GABRA2: variants seen among roughly 807,000 people sequenced by gnomAD.
The protein encoded by GABRA2 is gamma-aminobutyric acid type A receptor subunit alpha2, also known as gamma-aminobutyric acid receptor subunit alpha-2.
In GABRA2, 16 loss-of-function variants were observed where a neutral mutation model predicts 48.7. The observed-to-expected ratio is 0.33, with a 90% confidence interval of 0.22 to 0.50. The LOEUF (loss-of-function observed/expected upper bound fraction) is 0.50. Ranked by LOEUF, GABRA2 falls within the 20% of genes least tolerant of loss-of-function variation. The pLI is 0.98. For missense variants in GABRA2, 275 were observed against 535.6 expected (o/e 0.51, Z 4.80); for synonymous variants, 185 against 184.5 (o/e 1.00, Z -0.02).
intron 4 of GABRA2, among the ~76,000 whole-genome samples, chr4:46,328,300 A>G (rs959891540): frequency 4.7e-5 from 7 of 149,388 alleles, no homozygotes; most frequent in African/African-American, 1.5e-4. Flanking sequence ...GTGTGTGCGC[A>G]CACGCATGTG....
intron 3 of GABRA2, among the ~76,000 whole-genome samples, chr4:46,375,031 T>C (rs1337330307): frequency 6.6e-6 from 1 of 152,006 alleles, no homozygotes; most frequent in Non-Finnish European, 1.5e-5. Flanking sequence ...ACAAGGAATA[T>C]AGAGAAGGTG....
chr4:46,345,273 G>C (rs967862092), intron 3 of GABRA2, among the ~76,000 whole-genome samples: 1 of 151,740 alleles, frequency 6.6e-6, no homozygotes, highest in African/African-American at 2.4e-5. Flanking sequence ...ACCCAGTCTT[G>C]GGTATGTCTT....
intron 3 of GABRA2, among the ~76,000 whole-genome samples, chr4:46,355,792 T>C (rs184163693): frequency 3.9e-5 from 6 of 152,298 alleles, no homozygotes; most frequent in Admixed American, 3.3e-4. Flanking sequence ...TATAATTTTC[T>C]GTATTACCTT....
chr4:46,312,894 G>A (rs1244114567), intron 4 of GABRA2, among the ~76,000 whole-genome samples, 178 bp from the exon 5 acceptor site: 1 of 151,806 alleles, frequency 6.6e-6, no homozygotes, highest in Admixed American at 6.6e-5. Flanking sequence ...ACATACAATG[G>A]GATAAAGTAC....
rs956889050 is a variant in GABRA2 at position 46,247,311 on chromosome 4, A to G, written c.*2997T>C. ...AAACAGCCACCTATCCTAGCACACT[A>G]GTGGCATCATAGCTCATTAAAGAAC... On this transcript the variant is annotated 3_prime_UTR_variant, in exon 10 of 10. Transcript: ENST00000381620. Among the ~76,000 whole-genome samples the G allele has an allele frequency of 7.9e-5, 12 of 151,176 alleles. No homozygotes were observed. The highest frequency in any genetic ancestry group is 2.1e-4 in the South Asian group (1 of 4,822).
intron 8 of GABRA2, among the ~76,000 whole-genome samples, chr4:46,292,126 G>A (rs1455949506): frequency 6.6e-6 from 1 of 152,056 alleles, no homozygotes; most frequent in Non-Finnish European, 1.5e-5. Flanking sequence ...TAATACCTTT[G>A]ACTAAATGTG....
At chr4:46,330,697 A>G (rs1014682039) in intron 4 of GABRA2, among the ~76,000 whole-genome samples, 3 of 151,734 alleles carry the variant, frequency 2.0e-5, no homozygotes, top group Non-Finnish European at 2.9e-5. Flanking sequence ...ACAACATGAA[A>G]AAACTACAAT....
intron 1 of GABRA2, chr4:46,389,310 C>A: frequency 1.0e-6 from 1 of 985,470 alleles, no homozygotes; most frequent in Middle Eastern, 5.2e-4. Flanking sequence ...TTCCTGCCCA[C>A]CCACGGTTGC....
In GABRA2 at chr4:46,388,622, A is replaced by C; in HGVS notation, c.71+14T>G. On this transcript the variant is annotated intron_variant, in intron 2 of 9. Coordinates refer to ENST00000381620, the MANE Select transcript of GABRA2 (RefSeq NM_000807.4). ...GCCCTGAATTAAAATAGTCAAATACAATAAATATCTCACCTGGCAGGGTCC... is the reference window on the plus strand; with the variant it reads ...GCCCTGAATTAAAATAGTCAAATACCATAAATATCTCACCTGGCAGGGTCC... 1.9e-6 allele frequency: 3 copies of C among 1,613,912 alleles called. No homozygotes were observed. Among genetic ancestry groups the C allele is most frequent in the Non-Finnish European group, 2.5e-6 (3 of 1,179,894 alleles).
chr4:46,376,353 A>G (rs964153676), intron 3 of GABRA2, among the ~76,000 whole-genome samples: 2 of 152,220 alleles, frequency 1.3e-5, no homozygotes, highest in African/African-American at 2.4e-5. Context: ...TTATGGTCCA[A>G]TTTATCCACT....
At position 46,385,727 on chromosome 4, in the gene GABRA2, TAAATATACTTTCTTTACACATG is replaced by T. The variant is rs1229035398; in HGVS notation, c.187+325_187+346del. ...GACATGAAAATATGATCAAAGAAAG[TAAATATACTTTCTTTACACATG>T]AAATATACTTTCATATGTATATCTG... On this transcript the variant is annotated intron_variant, in intron 3 of 9. Coordinates refer to ENST00000381620, the MANE Select transcript of GABRA2 (RefSeq NM_000807.4). Among the ~76,000 whole-genome samples the T allele has an allele frequency of 1.3e-4, 20 of 152,220 alleles. No homozygotes were observed. The East Asian group carries it at 2.9e-3, about 22-fold the overall frequency.
At chr4:46,309,479 C>G (rs993465340) in intron 6 of GABRA2, among the ~76,000 whole-genome samples, 1 of 151,930 alleles carries the variant, frequency 6.6e-6, no homozygotes, top group Non-Finnish European at 1.5e-5. Flanking sequence ...CAGCTGTGTT[C>G]GTGGATTTAT....
intron 3 of GABRA2, among the ~76,000 whole-genome samples, chr4:46,346,566 C>T (rs941954715): frequency 1.0e-4 from 15 of 149,574 alleles, no homozygotes; most frequent in South Asian, 8.4e-4. Flanking sequence ...GCTTTTAAAA[C>T]GTGTTGCATA....
rs10012065 is a variant in GABRA2 at position 46,297,674 on chromosome 4, A to G, written c.856+5786T>C. On this transcript the variant is annotated intron_variant, in intron 8 of 9. Transcript: ENST00000381620. ...AGGTAGTCTAACTAAAGATTTGTCA[A>G]TTCTGCAGATATTTTCTAAGAACCA... is the stretch of plus-strand genomic sequence containing the variant. 1.4e-3 allele frequency among the ~76,000 whole-genome samples: 205 copies of G among 151,314 alleles called. 1 individual carries two copies. Among genetic ancestry groups the G allele is most frequent in the African/African-American group, 4.4e-3 (182 of 41,228 alleles).
chr4:46,373,761 C>T (rs925196283), intron 3 of GABRA2, among the ~76,000 whole-genome samples: 2 of 152,142 alleles, frequency 1.3e-5, no homozygotes, highest in African/African-American at 4.8e-5. Flanking sequence ...CATTTAGTCT[C>T]TTAAGATTCC....
intron 4 of GABRA2, among the ~76,000 whole-genome samples, chr4:46,313,587 CTCTT>C (rs67264620): frequency 0.082 from 12,459 of 151,712 alleles, 1,658 homozygotes; most frequent in African/African-American, 0.28. Flanking sequence ...CTCTCTCTCT[CTCTT>C]TACCTCTCTC....
chr4:46,342,161 G>A (rs1733351590), intron 3 of GABRA2, among the ~76,000 whole-genome samples: 1 of 152,016 alleles, frequency 6.6e-6, no homozygotes, highest in Non-Finnish European at 1.5e-5. Context: ...AACAATGAAA[G>A]TTAAAATGAC....
chr4:46,385,678 T>C lies in GABRA2; in HGVS notation c.187+396A>G, dbSNP rs556192951. Among the ~76,000 whole-genome samples, 3 of 152,206 alleles carry C rather than the reference T, an allele frequency of 2.0e-5. No homozygotes were observed. The South Asian group carries it at 6.2e-4, about 31-fold the overall frequency. Reference sequence around the variant, plus strand: ...CACTATATTCTTAAATTTTTTATGTTCCTCATTTCTGTGTATCTGAGCTGA... The same window carrying C: ...CACTATATTCTTAAATTTTTTATGTCCCTCATTTCTGTGTATCTGAGCTGA... On this transcript the variant is annotated intron_variant, in intron 3 of 9. Transcript: ENST00000381620.
chr4:46,275,509 CT>C (rs1720315752), intron 8 of GABRA2, among the ~76,000 whole-genome samples: 2 of 152,064 alleles, frequency 1.3e-5, no homozygotes, highest in South Asian at 4.1e-4. Context: ...CTGTGCCCCT[CT>C]ATAGAAGAGG....
Sources: gnomAD v4.1 joint callset for allele counts (sites outside exome capture counted in the v4.1 genomes callset) on GRCh38, gnomAD v4.1.1 for gene constraint, MANE v1.5 for transcripts, NCBI Gene and HGNC (gene_info 2026-07-23, HGNC 2026-07-21) for gene names.